Variants in ALDH3A2 observed in about 807,000 individuals in gnomAD.
The protein encoded by ALDH3A2 is aldehyde dehydrogenase 3 family member A2, also known as aldehyde dehydrogenase family 3 member A2.
ALDH3A2 carries 36 observed loss-of-function variants against 51.3 expected under a neutral mutation model. The observed-to-expected ratio is 0.70, with a 90% CI of 0.54 to 0.93. The LOEUF (loss-of-function observed/expected upper bound fraction) is 0.93, where lower values mean the gene tolerates loss of function less well. Among genes scored for constraint, ALDH3A2 ranks in the 40% least tolerant of loss-of-function variants. ALDH3A2 has a pLI of 0.00. For synonymous variants in ALDH3A2, 199 were observed against 219.8 expected (o/e 0.91, Z 0.84); for missense variants, 552 against 603.1 (o/e 0.92, Z 0.89).
chr17:19,656,124 T>A (rs2084892122), intron 3 of ALDH3A2: 2 of 527,652 alleles, frequency 3.8e-6, no homozygotes, highest in Non-Finnish European at 6.9e-6. Context: ...GTTGCTGAGC[T>A]CATGTAAAAA....
intron 9 of ALDH3A2, among the ~76,000 whole-genome samples, chr17:19,672,627 C>A (rs1308232552): frequency 2.0e-5 from 3 of 152,104 alleles, no homozygotes; most frequent in African/African-American, 7.2e-5. Flanking sequence ...ATGAGGAAGG[C>A]AATTGTGTCT....
chr17:19,655,359 G>T (rs2084880725), intron 3 of ALDH3A2: 1 of 152,204 alleles, frequency 6.6e-6, no homozygotes, highest in Non-Finnish European at 1.5e-5. Context: ...GATTGAATAG[G>T]ACGTAGAACC....
At chr17:19,656,119 T>A in intron 3 of ALDH3A2, 1 of 516,670 alleles carries the variant, frequency 1.9e-6, no homozygotes, top group Non-Finnish European at 3.5e-6. Flanking sequence ...TCTTTGTTGC[T>A]GAGCTCATGT....
intron 3 of ALDH3A2, 130 bp downstream of exon 3, chr17:19,652,762 C>G (rs2084833895): frequency 3.8e-6 from 3 of 792,880 alleles, no homozygotes; most frequent in South Asian, 2.9e-5. Flanking sequence ...CAACAGTTGG[C>G]TTAGCAAAAG....
chr17:19,671,634 G>A, intron 8 of ALDH3A2, 87 bp from the exon 9 acceptor site: 1 of 1,130,576 alleles, frequency 8.8e-7, no homozygotes, highest in East Asian at 2.3e-5. Context: ...AGCAGGGAGT[G>A]CATGTGAGCT....
intron 9 of ALDH3A2, chr17:19,672,261 T>TG: frequency 2.3e-6 from 1 of 440,524 alleles, no homozygotes; most frequent in East Asian, 4.6e-5. Flanking sequence ...GTCTAAGAGA[T>TG]TAAAACAGCG....
At chr17:19,649,287 T>C (rs1261250276) in intron 1 of ALDH3A2, 163 bp downstream of exon 1, 1 of 948,370 alleles carries the variant, frequency 1.1e-6, no homozygotes, top group Non-Finnish European at 1.5e-6. Flanking sequence ...CCGCAGACTT[T>C]CCCGGTCCTC....
rs1308732814 is a variant in ALDH3A2, at chr17:19,654,329, G to T, written c.471+1697G>T. Among the ~76,000 whole-genome samples the T allele has an allele frequency of 6.6e-6, 1 of 152,276 alleles. No individual in the cohort carries two copies. On this transcript the variant is annotated intron_variant, in intron 3 of 9. Transcript: ENST00000176643. This position sits in a 1 kb window ranked among gnomAD's most constrained non-coding sequence, Gnocchi z 4.5. ...GCGCGCCTGCACCCCTCAGCCCTTG[G>T]GCGGTCGATGGGACTGGGCGCTGTG...
At chr17:19,670,349 CTT>C (rs1370328954) in intron 8 of ALDH3A2, among the ~76,000 whole-genome samples, 1 of 151,992 alleles carries the variant, frequency 6.6e-6, no homozygotes, top group Non-Finnish European at 1.5e-5. Flanking sequence ...TTCAACAAAA[CTT>C]TGTAATTTCC....
At position 19,648,944 on chromosome 17, in the gene ALDH3A2, A is replaced by C; in HGVS notation, c.-28A>C. ...GCCTCCCACTCCCCAGCGCCCCCGG[A>C]CCGTGCAGTTCTCTGCAGGACCAGG... On this transcript the variant is annotated 5_prime_UTR_variant, in exon 1 of 10. Transcript: ENST00000176643. 6.4e-7 allele frequency: 1 copy of C among 1,567,740 alleles called. No individual in the cohort carries two copies. Among genetic ancestry groups the C allele is most frequent in the Non-Finnish European group, 8.6e-7 (1 of 1,157,370 alleles).
chr17:19,667,167 TA>T (rs1197258750), intron 8 of ALDH3A2, among the ~76,000 whole-genome samples: 1 of 152,198 alleles, frequency 6.6e-6, no homozygotes, highest in African/African-American at 2.4e-5. Context: ...TTCAAAAAGG[TA>T]TCATACTATA....
intron 1 of ALDH3A2, 111 bp downstream of exon 1, chr17:19,649,235 C>T: frequency 4.3e-6 from 6 of 1,387,758 alleles, no homozygotes; most frequent in South Asian, 1.4e-5. Context: ...TACTCCAGCA[C>T]TGGGAGTATG....
chr17:19,664,610 A>T (rs1212647006), intron 7 of ALDH3A2, among the ~76,000 whole-genome samples: 1 of 152,232 alleles, frequency 6.6e-6, no homozygotes, highest in Non-Finnish European at 1.5e-5. Flanking sequence ...GCTGGAATAT[A>T]GTCTAAGCTG....
chr17:19,663,596 T>C (rs933436458), intron 7 of ALDH3A2, 97 bp downstream of exon 7: 1 of 1,409,730 alleles, frequency 7.1e-7, no homozygotes, highest in Non-Finnish European at 9.8e-7. Context: ...TGTGAAACAA[T>C]GATGGTTTCT....
intron 9 of ALDH3A2, among the ~76,000 whole-genome samples, chr17:19,673,508 C>T (rs759872295): frequency 5.3e-5 from 8 of 151,716 alleles, no homozygotes; most frequent in African/African-American, 9.7e-5. Flanking sequence ...GCCTGAGTTC[C>T]GGAGTTCGAG....
In ALDH3A2 at chr17:19,677,501, A is replaced by G. The variant is rs2152335120; in HGVS notation, c.*1929A>G. 1 of 152,332 alleles carries G rather than the reference A, an allele frequency of 6.6e-6. No individual in the cohort carries two copies. 9.4% of individuals were successfully genotyped at this position (152,332 alleles called of 1,614,324 possible). On this transcript the variant is annotated 3_prime_UTR_variant, in exon 10 of 10. Transcript: ENST00000176643. ...CATAAAATTGGCATCAATTTTAATG[A>G]CGCTCCTGGTATGGAACCTCAGATA...
intron 6 of ALDH3A2, chr17:19,661,518 C>T: frequency 2.2e-6 from 1 of 460,554 alleles, no homozygotes; most frequent in Non-Finnish European, 3.9e-6. Context: ...CTTTTTTCCT[C>T]CTAACAATCC....
chr17:19,669,175 C>T (rs1021579212), intron 8 of ALDH3A2, among the ~76,000 whole-genome samples: 2 of 151,826 alleles, frequency 1.3e-5, no homozygotes, highest in African/African-American at 4.8e-5. Context: ...TTGTGGCATG[C>T]ACATGTAGTC....
Position 19,654,595 on chromosome 17 carries a change from G to A in ALDH3A2, c.472-1771G>A, listed in dbSNP as rs995895804. On this transcript the variant is annotated intron_variant, in intron 3 of 9. Transcript: ENST00000176643. This position sits in a 1 kb window ranked among gnomAD's most constrained non-coding sequence, Gnocchi z 4.5. ...CTCATTGCCCAGGGCTGGCGGCGCC[G>A]GCCAGCTGCTCCGAGTGTGGGGCCC... is the stretch of plus-strand genomic sequence containing the variant. Among the ~76,000 whole-genome samples, 3 of 152,110 alleles carry A rather than the reference G, an allele frequency of 2.0e-5. No homozygotes were observed. The highest frequency in any genetic ancestry group is 4.4e-5 in the Non-Finnish European group (3 of 67,996).
Sources: gnomAD v4.1 joint callset for allele counts (sites outside exome capture counted in the v4.1 genomes callset) on GRCh38, gnomAD v4.1.1 for gene constraint, Gnocchi (gnomAD v3.1) non-coding constraint, MANE v1.5 for transcripts, NCBI Gene and HGNC (gene_info 2026-07-23, HGNC 2026-07-21) for gene names.